The following TRIP12 variants were observed in gnomAD, a reference collection of about 807,000 sequenced individuals.
TRIP12 encodes E3 ubiquitin-protein ligase TRIP12.
TRIP12 carries 25 observed loss-of-function variants against 244.2 expected under a neutral mutation model. The observed-to-expected ratio is 0.10, with a 90% confidence interval of 0.07 to 0.14. The LOEUF is 0.14. Ranked by LOEUF, TRIP12 falls within the 10% of genes least tolerant of loss-of-function variation. TRIP12 has a pLI of 1.00. For missense variants in TRIP12, 1,677 were observed against 2,486.4 expected (o/e 0.67, Z 6.92); for synonymous variants, 905 against 873.1 (o/e 1.04, Z -0.64).
At chr2:229,787,904 G>A (rs2040487881) in intron 32 of TRIP12, among the ~76,000 whole-genome samples, 1 of 152,114 alleles carries the variant, frequency 6.6e-6, no homozygotes, top group Admixed American at 6.5e-5. Context: ...CCGGGCTCTT[G>A]CAATTCTCCT....
intron 1 of TRIP12, among the ~76,000 whole-genome samples, chr2:229,896,272 A>G (rs2068788583): frequency 6.6e-6 from 1 of 152,142 alleles, no homozygotes; most frequent in Non-Finnish European, 1.5e-5. Context: ...TTTCCACAAA[A>G]AGACCTTGTT....
rs117637270 is a variant in TRIP12 at position 229,809,546 on chromosome 2, A to G, written c.2222-1177T>C. Among the ~76,000 whole-genome samples, 15 of 152,344 alleles carry G rather than the reference A, an allele frequency of 9.8e-5. No individual in the cohort carries two copies. In the East Asian group the frequency reaches 2.9e-3, roughly 29 times the overall value. On this transcript the variant is annotated intron_variant, in intron 15 of 41. Transcript: ENST00000675903. ...AGGGATGTGCTGTAACAAAACATAC[A>G]TTAACAAGAAATAATCTCTCTTACA...
intron 1 of TRIP12, among the ~76,000 whole-genome samples, chr2:229,881,754 A>C (rs752247274): frequency 2.6e-5 from 4 of 152,196 alleles, no homozygotes; most frequent in Non-Finnish European, 5.9e-5. Context: ...GAAAGATATG[A>C]AACTCTCATT....
intron 8 of TRIP12, among the ~76,000 whole-genome samples, chr2:229,825,378 A>G (rs930337805): frequency 6.6e-6 from 1 of 152,228 alleles, no homozygotes; most frequent in Non-Finnish European, 1.5e-5. Context: ...AAATAAACCA[A>G]GGATCTATGG....
chr2:229,868,471 G>C (rs1457749440), intron 2 of TRIP12, among the ~76,000 whole-genome samples: 1 of 152,168 alleles, frequency 6.6e-6, no homozygotes, highest in Admixed American at 6.5e-5. Flanking sequence ...CCAAAGTACT[G>C]ACATTACAGG....
chr2:229,790,515 G>A (rs1186833181), intron 30 of TRIP12, among the ~76,000 whole-genome samples: 1 of 148,070 alleles, frequency 6.8e-6, no homozygotes, highest in Non-Finnish European at 1.5e-5. Flanking sequence ...TACTGTGGTG[G>A]CGGCAGGGGG....
chr2:229,856,684 A>C (rs2059663225), intron 4 of TRIP12, among the ~76,000 whole-genome samples: 1 of 152,188 alleles, frequency 6.6e-6, no homozygotes, highest in Admixed American at 6.5e-5. Flanking sequence ...AATATTACAT[A>C]GCAGGACTGA....
chr2:229,871,221 A>T (rs2062542227), intron 2 of TRIP12, among the ~76,000 whole-genome samples: 1 of 151,020 alleles, frequency 6.6e-6, no homozygotes, highest in African/African-American at 2.5e-5. Context: ...GGGGACCGGA[A>T]AGGAAAGAAA....
At chr2:229,827,236 C>T (rs538477423) in intron 8 of TRIP12, among the ~76,000 whole-genome samples, 4 of 150,842 alleles carry the variant, frequency 2.7e-5, no homozygotes, top group East Asian at 3.9e-4. Context: ...GCTGAGACTG[C>T]GCCACTGCAC....
chr2:229,797,872 G>A lies in TRIP12; in HGVS notation c.3483-41C>T, dbSNP rs1055105820. ...AGGAGATATTAAAGTCCCAGTGTAT[G>A]TAGAAAGGATATAACTTCTGATCAA... is the stretch of plus-strand genomic sequence containing the variant. On this transcript the variant is annotated intron_variant, in intron 23 of 41. Transcript: ENST00000675903. 4.4e-6 allele frequency: 7 copies of A among 1,594,992 alleles called. No individual in the cohort carries two copies. In the African/African-American group the frequency reaches 9.4e-5, roughly 21 times the overall value.
chr2:229,894,415 A>C (rs1449623855), intron 1 of TRIP12: 1 of 152,192 alleles, frequency 6.6e-6, no homozygotes, highest in African/African-American at 2.4e-5. Context: ...CCCCTGTGTA[A>C]GGATTACACA....
At chr2:229,913,656 A>G (rs941033126) in intron 1 of TRIP12, among the ~76,000 whole-genome samples, 1 of 152,226 alleles carries the variant, frequency 6.6e-6, no homozygotes, top group Non-Finnish European at 1.5e-5. Context: ...ACAAGCAAGT[A>G]AATTATGGCA....
At chr2:229,785,466 T>TA (rs1487420549) in intron 34 of TRIP12, among the ~76,000 whole-genome samples, 1 of 152,216 alleles carries the variant, frequency 6.6e-6, no homozygotes, top group Non-Finnish European at 1.5e-5. Flanking sequence ...CCTGATTTTT[T>TA]AAAAAAGGCA....
intron 1 of TRIP12, among the ~76,000 whole-genome samples, chr2:229,895,005 G>A (rs979349272): frequency 6.6e-6 from 1 of 152,088 alleles, no homozygotes; most frequent in African/African-American, 2.4e-5. Flanking sequence ...ACAATGAACA[G>A]AATATACATA....
At chr2:229,912,196 A>G (rs965238617) in intron 1 of TRIP12, among the ~76,000 whole-genome samples, 1 of 152,212 alleles carries the variant, frequency 6.6e-6, no homozygotes, top group Non-Finnish European at 1.5e-5. Flanking sequence ...AACAACAGGA[A>G]AAAACAAGAA....
At chr2:229,815,453 T>A in intron 9 of TRIP12, 145 bp from the exon 10 acceptor site, 1 of 559,688 alleles carries the variant, frequency 1.8e-6, no homozygotes, top group Non-Finnish European at 3.2e-6. Context: ...AGATAAAACC[T>A]AGTAGGCGTT....
intron 1 of TRIP12, among the ~76,000 whole-genome samples, chr2:229,909,990 C>T (rs1218744954): frequency 6.6e-6 from 1 of 152,188 alleles, no homozygotes; most frequent in East Asian, 1.9e-4. Flanking sequence ...ACATGCAATT[C>T]AAGCAACACC....
Position 229,771,510 on chromosome 2 carries a change from G to A in TRIP12, c.5808+9C>T. 3.1e-6 allele frequency: 5 copies of A among 1,600,596 alleles called. No homozygotes were observed. The highest frequency in any genetic ancestry group is 4.3e-6 in the Non-Finnish European group (5 of 1,167,974). On this transcript the variant is annotated intron_variant, in intron 39 of 41. Coordinates refer to ENST00000675903, the MANE Select transcript of TRIP12 (RefSeq NM_001348323.3). ...GTATGACCATTTCTTTTAGATATAA[G>A]CTACTCACTTCCTCCGGGTAGAAGT...
At chr2:229,915,631 A>AAAAG (rs1553785383) in intron 1 of TRIP12, among the ~76,000 whole-genome samples, 77 of 151,786 alleles carry the variant, frequency 5.1e-4, no homozygotes, top group South Asian at 1.0e-3. Flanking sequence ...AAAGTTAAAA[A>AAAAG]AAGGGTGAGG....
Sources: allele counts gnomAD v4.1 joint callset (sites outside exome capture counted in the v4.1 genomes callset), GRCh38; gene constraint gnomAD v4.1.1; transcripts MANE v1.5; gene names NCBI Gene and HGNC (gene_info 2026-07-23, HGNC 2026-07-21).